The following CFAP210 variants were observed in gnomAD, a reference collection of about 807,000 sequenced individuals.
CFAP210 encodes the protein cilia and flagella associated protein 210.
the CFAP210 span, among the ~76,000 whole-genome samples, chr2:169,683,487 C>T: frequency 1.3e-5 from 2 of 152,194 alleles, no homozygotes; most frequent in Non-Finnish European, 2.9e-5. Context: ...AACCAAACAA[C>T]GGTCTCTAAG....
the CFAP210 span, among the ~76,000 whole-genome samples, chr2:169,667,880 T>C: frequency 0.015 from 2,326 of 152,238 alleles, 56 homozygotes; most frequent in African/African-American, 0.052. Flanking sequence ...TTAAGGGTCC[T>C]AGGATTTTTA....
the CFAP210 span, chr2:169,650,253 C>G: frequency 7.4e-7 from 1 of 1,344,588 alleles, no homozygotes. Context: ...GTTAGAGAGG[C>G]AGATGAGATG....
the CFAP210 span, among the ~76,000 whole-genome samples, chr2:169,692,450 A>G: frequency 6.6e-3 from 796 of 119,906 alleles, 3 homozygotes; most frequent in African/African-American, 0.013. Context: ...GCACGCACAC[A>G]CACACACACA....
At chr2:169,674,445 T>C in the CFAP210 span, 1 of 727,666 alleles carries the variant, frequency 1.4e-6, no homozygotes, top group Non-Finnish European at 2.1e-6. Context: ...TGATAGCGAT[T>C]TTTAACCTCC....
chr2:169,651,226 GAAAA>G, the CFAP210 span, among the ~76,000 whole-genome samples: 2 of 102,060 alleles, frequency 2.0e-5, no homozygotes, highest in African/African-American at 4.1e-5. Context: ...GACTCTGTCT[GAAAA>G]AAAAAAAAAA....
chr2:169,690,164 C>T, the CFAP210 span, among the ~76,000 whole-genome samples: 1 of 152,090 alleles, frequency 6.6e-6, no homozygotes, highest in African/African-American at 2.4e-5. Context: ...CCACATCTAG[C>T]TCATGTGCTA....
the CFAP210 span, among the ~76,000 whole-genome samples, chr2:169,665,307 G>GA: frequency 0.41 from 61,893 of 151,798 alleles, 12,896 homozygotes; most frequent in Non-Finnish European, 0.44. Flanking sequence ...TGTTTTTTGA[G>GA]ACTGGTCTCA....
the CFAP210 span, chr2:169,694,353 CTG>C: frequency 1.2e-6 from 2 of 1,611,732 alleles, no homozygotes; most frequent in African/African-American, 2.7e-5. Context: ...GGAAAAGTGA[CTG>C]TGGCGCCAAG....
the CFAP210 span, among the ~76,000 whole-genome samples, chr2:169,673,984 C>A: frequency 6.6e-6 from 1 of 152,126 alleles, no homozygotes; most frequent in Non-Finnish European, 1.5e-5. Flanking sequence ...TCACTCCCTT[C>A]CCCTTCCTGT....
the CFAP210 span, among the ~76,000 whole-genome samples, chr2:169,654,667 A>G: frequency 1.3e-5 from 2 of 152,170 alleles, no homozygotes; most frequent in Non-Finnish European, 2.9e-5. Flanking sequence ...TCCCTGGGGT[A>G]TGAGATAATA....
the CFAP210 span, among the ~76,000 whole-genome samples, chr2:169,651,871 G>T: frequency 2.4e-5 from 3 of 125,486 alleles, no homozygotes; most frequent in South Asian, 2.5e-4. Context: ...ACACTATAAG[G>T]TTCCTTTTTT....
At chr2:169,660,975 ATTTG>A in the CFAP210 span, 2 of 485,294 alleles carry the variant, frequency 4.1e-6, no homozygotes, top group African/African-American at 4.0e-5. Context: ...GTATAGCAGG[ATTTG>A]TCATCCTGAG....
At chr2:169,651,346 G>T in the CFAP210 span, among the ~76,000 whole-genome samples, 5 of 151,544 alleles carry the variant, frequency 3.3e-5, no homozygotes, top group African/African-American at 4.8e-5. Flanking sequence ...AGTGAGCTAT[G>T]TACCACTGTA....
chr2:169,694,358 G>T, the CFAP210 span: 2 of 1,607,974 alleles, frequency 1.2e-6, no homozygotes, highest in Non-Finnish European at 1.7e-6. Flanking sequence ...AGTGACTGTG[G>T]CGCCAAGCGC....
At chr2:169,674,777 A>C in the CFAP210 span, 1 of 1,545,038 alleles carries the variant, frequency 6.5e-7, no homozygotes, top group South Asian at 1.2e-5. Flanking sequence ...CGACTACAAA[A>C]GAAAAATTAT....
chr2:169,678,095 C>G, the CFAP210 span, among the ~76,000 whole-genome samples: 1 of 152,068 alleles, frequency 6.6e-6, no homozygotes, highest in Non-Finnish European at 1.5e-5. Context: ...AATCCCAGCA[C>G]TTTGGGAGGC....
At chr2:169,679,187 T>G in the CFAP210 span, among the ~76,000 whole-genome samples, 2 of 152,128 alleles carry the variant, frequency 1.3e-5, no homozygotes, top group African/African-American at 4.8e-5. Flanking sequence ...TTTAAAATGG[T>G]TCATAGACCT....
the CFAP210 span, among the ~76,000 whole-genome samples, chr2:169,655,696 T>C: frequency 6.6e-6 from 1 of 152,164 alleles, no homozygotes; most frequent in Admixed American, 6.6e-5. Flanking sequence ...ATGGCAGAGT[T>C]AGCATTAAAA....
chr2:169,662,917 A>G, the CFAP210 span, among the ~76,000 whole-genome samples: 1 of 152,340 alleles, frequency 6.6e-6, no homozygotes, highest in Admixed American at 6.5e-5. Flanking sequence ...TGACTAGCTG[A>G]TAATTTCTTC....
Sources: allele counts gnomAD v4.1 joint callset (sites outside exome capture counted in the v4.1 genomes callset), GRCh38; gene constraint gnomAD v4.1.1; transcripts MANE v1.5; gene names NCBI Gene and HGNC (gene_info 2026-07-23, HGNC 2026-07-21).